Variants in FAM241A observed in about 807,000 individuals in gnomAD.
FAM241A encodes the protein family with sequence similarity 241 member A.
A neutral mutation model predicts 12.2 loss-of-function variants in FAM241A; 7 were observed. The observed-to-expected ratio is 0.58, with a 90% CI of 0.33 to 1.08. FAM241A has a LOEUF of 1.08. Among genes scored for constraint, FAM241A ranks in the 50% least tolerant of loss-of-function variants. FAM241A has a pLI of 0.04. For synonymous variants in FAM241A, 74 were observed against 68.2 expected (o/e 1.08, Z -0.42); for missense variants, 161 against 169.7 (o/e 0.95, Z 0.29).
chr4:112,148,945 C>T (rs1304123906), intron 1 of FAM241A, among the ~76,000 whole-genome samples: 1 of 152,160 alleles, frequency 6.6e-6, no homozygotes, highest in Non-Finnish European at 1.5e-5. Context: ...ATAGGGAAGT[C>T]CCATTATCCT....
chr4:112,171,462 A>G, intron 1 of FAM241A: 1 of 778,872 alleles, frequency 1.3e-6, no homozygotes, highest in South Asian at 1.3e-5. Flanking sequence ...AATGCTGGCT[A>G]TTAAAAGATG....
intron 1 of FAM241A, among the ~76,000 whole-genome samples, chr4:112,153,339 A>G (rs370594968): frequency 6.6e-6 from 1 of 152,220 alleles, no homozygotes; most frequent in Non-Finnish European, 1.5e-5. Context: ...TCAAAGTACC[A>G]TGACATCAGT....
In FAM241A at chr4:112,190,523, TA is replaced by T. The variant is rs35306632; in HGVS notation, c.*3604del. On this transcript the variant is annotated 3_prime_UTR_variant, in exon 2 of 2. Coordinates refer to ENST00000309733, the MANE Select transcript of FAM241A (RefSeq NM_152400.3). ...CAACATGGAGAAACCCCGTCTCTAC[TA>T]AAAAAAAAAAAAAAAAAATACAAAA... is the stretch of plus-strand genomic sequence containing the variant. 227 of 121,250 alleles carry T rather than the reference TA, an allele frequency of 1.9e-3. No homozygotes were observed. The highest frequency in any genetic ancestry group is 3.5e-3 in the African/African-American group (112 of 32,034). The allele number at this position is 121,250 out of a possible 1,614,324, so 7.5% of individuals were successfully genotyped here.
chr4:112,177,316 CT>C (rs2110432452), intron 1 of FAM241A, among the ~76,000 whole-genome samples: 1 of 152,196 alleles, frequency 6.6e-6, no homozygotes, highest in East Asian at 1.9e-4. Context: ...TATAGCTTAT[CT>C]TTTCAGAGGT....
Position 112,190,553 on chromosome 4 carries a change from G to A in FAM241A, c.*3615G>A, listed in dbSNP as rs1283125003. 1 of 149,448 alleles carries A rather than the reference G, an allele frequency of 6.7e-6. No homozygotes were observed. Among genetic ancestry groups the A allele is most frequent in the Admixed American group, 6.7e-5 (1 of 15,002 alleles). The allele number at this position is 149,448 out of a possible 1,614,324, so 9.3% of individuals were successfully genotyped here. A position where few individuals can be genotyped will look rare whatever the true frequency, so the allele number is the denominator to read the frequency against. The stretch of plus-strand genomic sequence containing the variant: ...AAAAAAAAAAAAAAATACAAAATTA[G>A]CTAGGCGTGGTGGTGCATGCCTGTA... On this transcript the variant is annotated 3_prime_UTR_variant, in exon 2 of 2. Transcript: ENST00000309733.
At chr4:112,168,436 A>T (rs1221019544) in intron 1 of FAM241A, among the ~76,000 whole-genome samples, 3 of 152,216 alleles carry the variant, frequency 2.0e-5, no homozygotes, top group Non-Finnish European at 4.4e-5. Flanking sequence ...AATGGGTTTG[A>T]CAAAAAGTGA....
chr4:112,146,486 G>A lies in FAM241A; in HGVS notation c.153+753G>A, dbSNP rs940578480. On this transcript the variant is annotated intron_variant, in intron 1 of 1. Transcript: ENST00000309733. The stretch of plus-strand genomic sequence containing the variant: ...CAAATATCTTAAAGATTAGGCAAAA[G>A]GTTTAATTTTAAAAATTGAATTGTA... 2.9e-4 allele frequency among the ~76,000 whole-genome samples: 44 copies of A among 152,154 alleles called. 1 individual carries two copies. The highest frequency in any genetic ancestry group is 2.3e-3 in the Admixed American group (35 of 15,286).
At chr4:112,172,218 T>A (rs1160817140) in intron 1 of FAM241A, among the ~76,000 whole-genome samples, 1 of 152,244 alleles carries the variant, frequency 6.6e-6, no homozygotes. Flanking sequence ...GTTCATTTTT[T>A]AAATTAATAA....
At chr4:112,178,765 T>C (rs1180007833) in intron 1 of FAM241A, among the ~76,000 whole-genome samples, 4 of 152,192 alleles carry the variant, frequency 2.6e-5, no homozygotes, top group South Asian at 2.1e-4. Context: ...ATATACAGAA[T>C]ATGTAAGAAA....
At chr4:112,177,915 A>G (rs769256538) in intron 1 of FAM241A, among the ~76,000 whole-genome samples, 33 of 152,202 alleles carry the variant, frequency 2.2e-4, no homozygotes, top group Non-Finnish European at 4.0e-4. Flanking sequence ...TTGATATTAC[A>G]TTTAAGTTTT....
rs189103742 is a variant in FAM241A at position 112,161,453 on chromosome 4, A to G, written c.153+15720A>G. Among the ~76,000 whole-genome samples, 14 of 152,320 alleles carry G rather than the reference A, an allele frequency of 9.2e-5. No individual in the cohort carries two copies. In the East Asian group the frequency reaches 2.7e-3, roughly 29 times the overall value. On this transcript the variant is annotated intron_variant, in intron 1 of 1. Transcript: ENST00000309733. ...AAGGAAAAAGAGAAGAATCAGATTG[A>G]TGCAATAAAAAATGATAAAGGGGTA...
chr4:112,192,065 G>T lies in FAM241A; in HGVS notation c.*5127G>T, dbSNP rs1724177459. 1.3e-5 allele frequency: 2 copies of T among 152,138 alleles called. No individual in the cohort carries two copies. Among genetic ancestry groups the T allele is most frequent in the Non-Finnish European group, 2.9e-5 (2 of 68,042 alleles). 9.4% of individuals were successfully genotyped at this position (152,138 alleles called of 1,614,324 possible). A position where few individuals can be genotyped will look rare whatever the true frequency, so the allele number is the denominator to read the frequency against. On this transcript the variant is annotated 3_prime_UTR_variant, in exon 2 of 2. Coordinates refer to ENST00000309733, the MANE Select transcript of FAM241A (RefSeq NM_152400.3). ...CTTTGACTCCAAAAGTATACTTACT[G>T]TGCACAAAGAGCATGGGTTGATGTA...
intron 1 of FAM241A, among the ~76,000 whole-genome samples, chr4:112,184,977 T>C (rs1204176648): frequency 6.6e-6 from 1 of 152,174 alleles, no homozygotes; most frequent in Non-Finnish European, 1.5e-5. Context: ...TTGTGGCAGA[T>C]GATTTTGTGA....
At chr4:112,160,159 C>T (rs1723433267) in intron 1 of FAM241A, among the ~76,000 whole-genome samples, 1 of 152,146 alleles carries the variant, frequency 6.6e-6, no homozygotes, top group African/African-American at 2.4e-5. Context: ...ATAATCCCAG[C>T]ACTTTGGGAG....
At chr4:112,184,390 A>G (rs982272595) in intron 1 of FAM241A, among the ~76,000 whole-genome samples, 21 of 152,136 alleles carry the variant, frequency 1.4e-4, no homozygotes, top group African/African-American at 5.1e-4. Context: ...TTAGCCAGGC[A>G]TGGTGGTGCA....
chr4:112,149,737 A>G (rs1432569899), intron 1 of FAM241A, among the ~76,000 whole-genome samples: 2 of 152,226 alleles, frequency 1.3e-5, no homozygotes, highest in African/African-American at 2.4e-5. Flanking sequence ...TGAAACTTCT[A>G]TCATATTGTA....
intron 1 of FAM241A, among the ~76,000 whole-genome samples, chr4:112,170,554 C>G (rs1404893000): frequency 6.6e-6 from 1 of 152,226 alleles, no homozygotes; most frequent in Admixed American, 6.5e-5. Context: ...GACTACTAAG[C>G]GACTAATGGG....
At chr4:112,168,665 A>ATT (rs146001118) in intron 1 of FAM241A, among the ~76,000 whole-genome samples, 5 of 149,886 alleles carry the variant, frequency 3.3e-5, no homozygotes, top group Non-Finnish European at 7.4e-5. Flanking sequence ...CTATATTTGG[A>ATT]TTTTTTTTTT....
Position 112,146,913 on chromosome 4 carries a change from C to G in FAM241A, c.153+1180C>G, listed in dbSNP as rs1723149192. Among the ~76,000 whole-genome samples the G allele has an allele frequency of 1.3e-5, 2 of 152,186 alleles. 1 individual carries two copies. Among genetic ancestry groups the G allele is most frequent in the South Asian group, 4.1e-4 (2 of 4,832 alleles). On this transcript the variant is annotated intron_variant, in intron 1 of 1. Transcript: ENST00000309733. ...TTTGGTAGCTTGTTCTTCGGATTCC[C>G]TTCCTAGTGGTTTTTCCCGTTAACT...
Sources: allele counts gnomAD v4.1 joint callset (sites outside exome capture counted in the v4.1 genomes callset), GRCh38; gene constraint gnomAD v4.1.1; transcripts MANE v1.5; gene names NCBI Gene and HGNC (gene_info 2026-07-23, HGNC 2026-07-21).